MBD5: variants seen among roughly 807,000 people sequenced by gnomAD.
MBD5 encodes the protein methyl-CpG-binding domain protein 5.
In MBD5, 13 loss-of-function variants were observed where a neutral mutation model predicts 117.3. The observed-to-expected ratio is 0.11, with a 90% confidence interval of 0.07 to 0.18. The LOEUF (loss-of-function observed/expected upper bound fraction) is 0.18. Ranked by LOEUF, MBD5 falls within the 10% of genes least tolerant of loss-of-function variation. The pLI, the probability that MBD5 is intolerant of heterozygous loss-of-function variation, is 1.00. For synonymous variants in MBD5, 727 were observed against 766.4 expected (o/e 0.95, Z 0.85); for missense variants, 1,879 against 2,093.8 (o/e 0.90, Z 2.00).
intron 4 of MBD5, among the ~76,000 whole-genome samples, chr2:148,416,038 T>A (rs982646779): frequency 6.6e-6 from 1 of 152,170 alleles, no homozygotes; most frequent in Non-Finnish European, 1.5e-5. Context: ...GAAGATGCTC[T>A]GGGTTTTTTT....
At chr2:148,144,027 C>T (rs1285437601) in intron 1 of MBD5, among the ~76,000 whole-genome samples, 2 of 152,224 alleles carry the variant, frequency 1.3e-5, no homozygotes, top group Non-Finnish European at 2.9e-5. Context: ...GGAATCGCTA[C>T]ACTGTCTTCC....
chr2:148,031,268 A>C (rs935846754), intron 1 of MBD5, among the ~76,000 whole-genome samples: 2 of 152,186 alleles, frequency 1.3e-5, no homozygotes, highest in African/African-American at 4.8e-5. Flanking sequence ...AAGTGACTGA[A>C]ACATGTACTT....
chr2:148,370,383 G>A (rs12616001), intron 4 of MBD5, among the ~76,000 whole-genome samples: 78,323 of 152,026 alleles, frequency 0.52, 20,400 homozygotes, highest in East Asian at 0.75. Context: ...ACACCTTTCT[G>A]TTCAGAAGTT....
At chr2:148,478,702 A>C (rs1183366737) in intron 8 of MBD5, among the ~76,000 whole-genome samples, 4 of 152,008 alleles carry the variant, frequency 2.6e-5, no homozygotes, top group Non-Finnish European at 5.9e-5. Context: ...CTTCTCTCCT[A>C]CTCTTGAAAA....
At chr2:148,048,584 A>G (rs1363602629) in intron 1 of MBD5, among the ~76,000 whole-genome samples, 1 of 152,178 alleles carries the variant, frequency 6.6e-6, no homozygotes, top group Non-Finnish European at 1.5e-5. Context: ...CTGAAGAATG[A>G]AGAGCAGTTT....
At chr2:148,411,659 A>G (rs1382813354) in intron 4 of MBD5, among the ~76,000 whole-genome samples, 4 of 151,754 alleles carry the variant, frequency 2.6e-5, no homozygotes, top group African/African-American at 4.8e-5. Context: ...TTCTTTTGCA[A>G]AATGTCTCTT....
chr2:148,511,972 T>C (rs1208593285), intron 13 of MBD5, among the ~76,000 whole-genome samples: 1 of 152,200 alleles, frequency 6.6e-6, no homozygotes, highest in Admixed American at 6.5e-5. Flanking sequence ...TAATTCTAAG[T>C]CCTGTGACAT....
At chr2:148,321,598 A>ACATCT (rs1390974961) in intron 3 of MBD5, among the ~76,000 whole-genome samples, 2 of 152,212 alleles carry the variant, frequency 1.3e-5, no homozygotes, top group African/African-American at 4.8e-5. Flanking sequence ...TACCACTAAT[A>ACATCT]CATCTATCAA....
chr2:148,324,167 A>C (rs1043537243), intron 3 of MBD5, among the ~76,000 whole-genome samples: 1 of 151,824 alleles, frequency 6.6e-6, no homozygotes, highest in Non-Finnish European at 1.5e-5. Context: ...ATGTGGCGTT[A>C]TTTCTGAGGG....
chr2:148,341,388 C>T (rs760548072), intron 3 of MBD5, among the ~76,000 whole-genome samples: 17 of 151,362 alleles, frequency 1.1e-4, no homozygotes, highest in Non-Finnish European at 2.1e-4. Flanking sequence ...AGAATTAGGC[C>T]GACCCAGATT....
intron 4 of MBD5, among the ~76,000 whole-genome samples, chr2:148,436,495 C>T (rs1706161433): frequency 6.6e-6 from 1 of 152,098 alleles, no homozygotes; most frequent in Non-Finnish European, 1.5e-5. Context: ...GCCTCAGCCT[C>T]GCAAGTAGCT....
intron 3 of MBD5, among the ~76,000 whole-genome samples, chr2:148,238,135 A>G (rs903605050): frequency 2.0e-5 from 3 of 152,200 alleles, no homozygotes; most frequent in African/African-American, 4.8e-5. Context: ...TGCTCATTCT[A>G]TTTATGCCAA....
intron 1 of MBD5, among the ~76,000 whole-genome samples, chr2:148,125,149 G>A (rs1413643278): frequency 2.0e-5 from 3 of 151,944 alleles, no homozygotes; most frequent in Non-Finnish European, 4.4e-5. Flanking sequence ...AATCATTCCA[G>A]CATGTAGACG....
intron 3 of MBD5, among the ~76,000 whole-genome samples, chr2:148,293,541 G>T (rs936196701): frequency 1.3e-5 from 2 of 151,672 alleles, no homozygotes; most frequent in East Asian, 3.9e-4. Flanking sequence ...TAATTTTTTT[G>T]AAAAAGATCA....
chr2:148,116,372 G>A (rs1696642860), intron 1 of MBD5, among the ~76,000 whole-genome samples: 1 of 152,134 alleles, frequency 6.6e-6, no homozygotes, highest in African/African-American at 2.4e-5. Context: ...AGTCCAACAT[G>A]ACGTTGAAAT....
At chr2:148,120,163 G>T (rs796220948) in intron 1 of MBD5, among the ~76,000 whole-genome samples, 1 of 152,058 alleles carries the variant, frequency 6.6e-6, no homozygotes, top group African/African-American at 2.4e-5. Flanking sequence ...ATCCTTTTGC[G>T]TCGGCCTCCT....
At chr2:148,186,260 A>G (rs768950743) in intron 2 of MBD5, among the ~76,000 whole-genome samples, 1 of 152,182 alleles carries the variant, frequency 6.6e-6, no homozygotes. Context: ...GGTGGTTTTT[A>G]AAAACAGGAG....
At chr2:148,306,821 C>T (rs1701907147) in intron 3 of MBD5, among the ~76,000 whole-genome samples, 1 of 152,002 alleles carries the variant, frequency 6.6e-6, no homozygotes, top group Non-Finnish European at 1.5e-5. Context: ...TTCTGTGACA[C>T]ACAACAATAA....
rs527410213 is a variant in MBD5, at chr2:148,287,384, G to A, written c.-680+53989G>A. ...ACAAAATTTTTGTCATGAAGAGTAA[G>A]AACAGGCTCTTTAGTGTTGAGTAGG... On this transcript the variant is annotated intron_variant, in intron 3 of 13. Transcript: ENST00000642680. Among the ~76,000 whole-genome samples, 4 of 152,172 alleles carry A rather than the reference G, an allele frequency of 2.6e-5. No individual in the cohort carries two copies. The South Asian group carries it at 8.3e-4, about 31-fold the overall frequency.
Sources: gnomAD v4.1 joint callset for allele counts (sites outside exome capture counted in the v4.1 genomes callset) on GRCh38, gnomAD v4.1.1 for gene constraint, MANE v1.5 for transcripts, NCBI Gene and HGNC (gene_info 2026-07-23, HGNC 2026-07-21) for gene names.